WNK2: variants seen among roughly 807,000 people sequenced by gnomAD.
WNK2 encodes the protein WNK lysine deficient protein kinase 2, also known as serine/threonine-protein kinase WNK2.
A neutral mutation model predicts 192.1 loss-of-function variants in WNK2; 67 were observed. That is an observed-to-expected ratio of 0.35 (90% CI 0.29 to 0.43). The LOEUF (loss-of-function observed/expected upper bound fraction) is 0.43. Among genes scored for constraint, WNK2 ranks in the 20% least tolerant of loss-of-function variants. The probability of loss-of-function intolerance (pLI) is 1.00; values close to 1 mark genes in which losing one functional copy is unlikely to be tolerated. For missense variants in WNK2, 2,698 were observed against 3,089.7 expected (o/e 0.87, Z 3.01); for synonymous variants, 1,439 against 1,393.9 (o/e 1.03, Z -0.72).
rs1030241739 is a variant in WNK2 at position 93,214,709 on chromosome 9, C to A, written c.682-14987C>A. Among the ~76,000 whole-genome samples, 9 of 114,830 alleles carry A rather than the reference C, an allele frequency of 7.8e-5. 1 individual carries two copies. The highest frequency in any genetic ancestry group is 3.5e-4 in the South Asian group (1 of 2,866). 75.3% of individuals were successfully genotyped at this position (114,830 alleles called of 152,430 possible). A position where few individuals can be genotyped will look rare whatever the true frequency, so the allele number is the denominator to read the frequency against. On this transcript the variant is annotated intron_variant, in intron 2 of 29. Coordinates refer to ENST00000427277, the MANE Select transcript of WNK2 (RefSeq NM_006648.4). The stretch of plus-strand genomic sequence containing the variant: ...CTTTGAAGGTAGTGCCCCCCCCCCC[C>A]CCGCCCTCTCTTTGCTGAGTTTAAG...
At chr9:93,264,893 G>T (rs1844904304) in intron 16 of WNK2, among the ~76,000 whole-genome samples, 1 of 152,204 alleles carries the variant, frequency 6.6e-6, no homozygotes, top group Admixed American at 6.5e-5. Context: ...TGCCCCACGT[G>T]CCTGCCTGCG....
chr9:93,313,142 T>G (rs1853973331), intron 28 of WNK2, among the ~76,000 whole-genome samples: 1 of 152,246 alleles, frequency 6.6e-6, no homozygotes. Context: ...CCTTCAGTTC[T>G]TCGAGCACAT....
chr9:93,262,107 G>A lies in WNK2; in HGVS notation c.3360G>A (p.Glu1120=). Residue 1120 remains glutamate (E), a splice_region_variant and synonymous_variant, in exon 13 of 30, where the codon GAG becomes GAA. Transcript: ENST00000427277. ...TVQLTVEPVQ[E]EQASQDKPPG... ...AGCTGACGGTGGAACCAGTCCAAGA[G>A]GTGTGTGCCCCTCCCCCCAGCCTGT... 2 of 1,581,218 alleles carry A rather than the reference G, an allele frequency of 1.3e-6. No individual in the cohort carries two copies. Among genetic ancestry groups the A allele is most frequent in the Non-Finnish European group, 1.7e-6 (2 of 1,158,506 alleles).
intron 2 of WNK2, among the ~76,000 whole-genome samples, chr9:93,188,024 C>A (rs1358865934): frequency 6.6e-6 from 1 of 152,092 alleles, no homozygotes; most frequent in African/African-American, 2.4e-5. Flanking sequence ...TGTGGAGATG[C>A]CATCCTGCAC....
At position 93,234,927 on chromosome 9, in the gene WNK2, T is replaced by G; in HGVS notation, c.1195T>G (p.Cys399Gly). 6.2e-7 allele frequency: 1 copy of G among 1,614,066 alleles called. No individual in the cohort carries two copies. Among genetic ancestry groups the G allele is most frequent in the Non-Finnish European group, 8.5e-7 (1 of 1,179,972 alleles). ...CACCTCGGAGTACCCCTACTCGGAG[T>G]GCCAGAATGCGGCCCAGATCTACCG... The part of the protein sequence containing the change: ...MATSEYPYSE[C>G]QNAAQIYRKV... Residue 399 changes from cysteine to glycine, a missense_variant, in exon 5 of 30, where the codon TGC (cysteine) becomes GGC (glycine). Cys to Gly is a radical substitution (Grantham distance 159). Transcript: ENST00000427277.
rs754041375 is a variant in WNK2 at position 93,292,500 on chromosome 9, G to A, written c.5035G>A (p.Ala1679Thr). 1.3e-6 allele frequency: 2 copies of A among 1,598,010 alleles called. No homozygotes were observed. The highest frequency in any genetic ancestry group is 2.2e-5 in the East Asian group (1 of 44,708). ...CCGCTTGTTTCCCAAGGATGTACCT[G>A]CTTTTGTGAGACCTGCACGTGTGGA... ...VVPSVPQDVP[A>T]FVRPARVEPT... The change falls in exon 23 of 30, where the codon GCT becomes ACT. Residue 1679 changes from alanine (A) to threonine (T), a missense_variant. Physicochemically the swap from Ala to Thr is moderately conservative, Grantham distance 58. Around this residue, in one of 7 missense-constraint regions of WNK2, gnomAD observed 1,098 missense variants for 1,101.0 expected, o/e 1.00. Coordinates refer to ENST00000427277, the MANE Select transcript of WNK2 (RefSeq NM_006648.4).
At chr9:93,237,483 C>T (rs761301252) in intron 5 of WNK2, among the ~76,000 whole-genome samples, 42 of 152,276 alleles carry the variant, frequency 2.8e-4, no homozygotes, top group Middle Eastern at 3.4e-3. Flanking sequence ...CTTTTCATCT[C>T]GAGTTCTATT....
At chr9:93,190,755 C>T (rs529177356) in intron 2 of WNK2, among the ~76,000 whole-genome samples, 20 of 152,330 alleles carry the variant, frequency 1.3e-4, no homozygotes, top group African/African-American at 4.8e-4. Flanking sequence ...TCTTATTTTT[C>T]CTCACATTAA....
intron 2 of WNK2, among the ~76,000 whole-genome samples, chr9:93,190,646 G>T (rs1418613497): frequency 2.0e-5 from 3 of 152,260 alleles, no homozygotes; most frequent in African/African-American, 7.2e-5. Context: ...CCGCAGCACT[G>T]GAACCTTCCG....
At chr9:93,291,435 C>T (rs1374425534) in intron 21 of WNK2, among the ~76,000 whole-genome samples, 1 of 152,128 alleles carries the variant, frequency 6.6e-6, no homozygotes, top group Non-Finnish European at 1.5e-5. Flanking sequence ...AGGTTGGAGC[C>T]ATTTAGAAGT....
intron 23 of WNK2, among the ~76,000 whole-genome samples, chr9:93,296,831 A>G (rs1249046196): frequency 3.1e-4 from 15 of 48,910 alleles, no homozygotes; most frequent in Non-Finnish European, 3.7e-5. Context: ...TTCTCCCCTC[A>G]TCTTCCTCCC....
In WNK2 at chr9:93,268,642, A is replaced by G; in HGVS notation, c.3929A>G (p.Lys1310Arg). The G allele has an allele frequency of 6.2e-7, 1 of 1,613,194 alleles. No individual in the cohort carries two copies. Among genetic ancestry groups the G allele is most frequent in the Non-Finnish European group, 8.5e-7 (1 of 1,179,708 alleles). Residue 1310 changes from lysine (K) to arginine (R), a missense_variant, in exon 19 of 30, where the codon AAG becomes AGG. Physicochemically the swap from Lys to Arg is conservative, Grantham distance 26 (BLOSUM62 2). Coordinates refer to ENST00000427277, the MANE Select transcript of WNK2 (RefSeq NM_006648.4). The part of the protein sequence containing the change: ...VYQQNVLHTG[K>R]RWFIICPVAE... ...TGCCCTTCAGTCCTGCACACCGGGA[A>G]GAGGTGGTTCATCATCTGTCCGGTG...
chr9:93,258,134 G>A (rs1277622825), intron 11 of WNK2, among the ~76,000 whole-genome samples: 1 of 152,196 alleles, frequency 6.6e-6, no homozygotes, highest in Non-Finnish European at 1.5e-5. Flanking sequence ...AGACAGACAG[G>A]AGTCCATGTG....
intron 19 of WNK2, among the ~76,000 whole-genome samples, chr9:93,270,368 C>T (rs930315652): frequency 6.6e-6 from 1 of 152,164 alleles, no homozygotes; most frequent in South Asian, 2.1e-4. Flanking sequence ...ATAAAATGAC[C>T]AAAGAGTTGG....
chr9:93,211,927 T>TACTCA (rs1834860477), intron 2 of WNK2, among the ~76,000 whole-genome samples: 1 of 148,946 alleles, frequency 6.7e-6, no homozygotes, highest in Non-Finnish European at 1.5e-5. Flanking sequence ...CTCACTCATC[T>TACTCA]ACTCATTCAC....
intron 27 of WNK2, 85 bp from the exon 28 acceptor site, chr9:93,308,243 C>T: frequency 6.7e-7 from 1 of 1,486,588 alleles, no homozygotes; most frequent in Non-Finnish European, 9.0e-7. Context: ...TCTCAGCTGT[C>T]ACGTAAGAAT....
chr9:93,281,194 G>T (rs1421973496), intron 19 of WNK2, among the ~76,000 whole-genome samples: 1 of 152,148 alleles, frequency 6.6e-6, no homozygotes, highest in Non-Finnish European at 1.5e-5. Flanking sequence ...TTAGATATGT[G>T]CAACTTATTG....
intron 2 of WNK2, among the ~76,000 whole-genome samples, chr9:93,190,618 G>A (rs1394265609): frequency 1.3e-5 from 2 of 152,270 alleles, no homozygotes; most frequent in African/African-American, 4.8e-5. Flanking sequence ...GTCTGCCAGG[G>A]CAGCTGGACA....
intron 5 of WNK2, among the ~76,000 whole-genome samples, chr9:93,237,481 C>T (rs749833706): frequency 1.3e-5 from 2 of 152,190 alleles, no homozygotes; most frequent in African/African-American, 4.8e-5. Flanking sequence ...GGCTTTTCAT[C>T]TCGAGTTCTA....
Sources: allele counts gnomAD v4.1 joint callset (sites outside exome capture counted in the v4.1 genomes callset), GRCh38; gene constraint gnomAD v4.1.1; regional missense constraint gnomAD v4.1.1; transcripts MANE v1.5; gene names NCBI Gene and HGNC (gene_info 2026-07-23, HGNC 2026-07-21).